The following FHL2 variants were observed in gnomAD, a reference collection of about 807,000 sequenced individuals.
FHL2 encodes four and a half LIM domains 2, also known as four and a half LIM domains protein 2.
In FHL2, 20 loss-of-function variants were observed where a neutral mutation model predicts 32.7. That is an observed-to-expected ratio of 0.61 (90% CI 0.43 to 0.89). FHL2 has a LOEUF of 0.89. Ranked by LOEUF, FHL2 falls within the 40% of genes least tolerant of loss-of-function variation. The probability of loss-of-function intolerance (pLI) is 0.00; values close to 1 mark genes in which losing one functional copy is unlikely to be tolerated. For missense variants in FHL2, 311 were observed against 358.6 expected, an observed-to-expected ratio of 0.87 and a Z score of 1.07; for synonymous variants, 123 against 128.1, an observed-to-expected ratio of 0.96 and a Z score of 0.27.
In FHL2 at chr2:105,363,404, G is replaced by A. The variant is rs1444068378; in HGVS notation, c.569C>T (p.Ala190Val). 2 of 1,613,672 alleles carry A rather than the reference G, an allele frequency of 1.2e-6. No homozygotes were observed. Among genetic ancestry groups the A allele is most frequent in the Non-Finnish European group, 8.5e-7 (1 of 1,179,854 alleles). ...PWHKECFVCTACRKQLSGQRF... is the reference protein window; with the variant it reads ...PWHKECFVCTVCRKQLSGQRF... ...CTGCCCAGACAGCTGCTTCCTGCAG[G>A]CGGTGCACACGAAGCACTCCTTGTG... The change falls in exon 6 of 7, where the codon GCC (alanine) becomes GTC (valine). Residue 190 changes from alanine (A) to valine (V), a missense_variant. Ala to Val is a moderately conservative substitution (Grantham distance 64). Transcript: ENST00000530340.
In FHL2 at chr2:105,428,497, C is replaced by A. The variant is rs377669172; in HGVS notation, c.-25+9902G>T. Among the ~76,000 whole-genome samples, 133 of 152,344 alleles carry A rather than the reference C, an allele frequency of 8.7e-4. 3 individuals are homozygous for A. The South Asian group carries it at 0.027, about 31-fold the overall frequency. On this transcript the variant is annotated intron_variant, in intron 1 of 5. Transcript: ENST00000393352. ...CTTGGAATTACCTTCGGGATCTTTC[C>A]ATCCCTGAGAGGTTGGGCTCCTCAT...
rs115339030 is a variant in FHL2, at chr2:105,392,601, C to A, written c.-25+4046G>T. 7.6e-3 allele frequency among the ~76,000 whole-genome samples: 1,159 copies of A among 152,242 alleles called. 7 individuals are homozygous for A. Among genetic ancestry groups the A allele is most frequent in the African/African-American group, 0.025 (1,046 of 41,522 alleles). ...TACTAATTTTAAAAGTTCACAAGCT[C>A]ATCAGTGTGATCTATTTTTAAATTT... is the stretch of plus-strand genomic sequence containing the variant. On this transcript the variant is annotated intron_variant, in intron 2 of 6. Coordinates refer to ENST00000530340, the MANE Select transcript of FHL2 (RefSeq NM_001318895.3).
chr2:105,388,147 T>C (rs1682456448), intron 2 of FHL2, among the ~76,000 whole-genome samples: 1 of 152,038 alleles, frequency 6.6e-6, no homozygotes, highest in African/African-American at 2.4e-5. Flanking sequence ...GCAGAAAACA[T>C]AACACTTGGG....
intron 3 of FHL2, among the ~76,000 whole-genome samples, chr2:105,385,066 G>A (rs1682201741): frequency 6.6e-6 from 1 of 152,196 alleles, no homozygotes; most frequent in South Asian, 2.1e-4. Flanking sequence ...TTTGCTTATG[G>A]TATTTCAAAG....
At chr2:105,407,876 C>G (rs1340206616) in intron 1 of FHL2, among the ~76,000 whole-genome samples, 1 of 152,172 alleles carries the variant, frequency 6.6e-6, no homozygotes, top group African/African-American at 2.4e-5. Flanking sequence ...AAATCTGCAT[C>G]CTGCAAACGG....
At chr2:105,399,654 G>T (rs1250844374), upstream of FHL2, 1 of 1,485,362 alleles carries the variant, frequency 6.7e-7, no homozygotes, top group Non-Finnish European at 8.9e-7. Flanking sequence ...CCTCCAGGGC[G>T]GGAAAACCAA....
intron 4 of FHL2, among the ~76,000 whole-genome samples, chr2:105,368,589 T>C (rs1165147095): frequency 6.6e-6 from 1 of 152,228 alleles, no homozygotes; most frequent in East Asian, 1.9e-4. Flanking sequence ...TTGATACATT[T>C]CTACCATTTC....
intron 3 of FHL2, among the ~76,000 whole-genome samples, chr2:105,384,727 C>T (rs191469157): frequency 2.0e-5 from 3 of 152,336 alleles, no homozygotes; most frequent in East Asian, 1.9e-4. Context: ...AGGCTGGTCT[C>T]GAACTCCCGG....
chr2:105,363,032 C>A, intron 6 of FHL2: 2 of 467,518 alleles, frequency 4.3e-6, no homozygotes, highest in Middle Eastern at 5.7e-4. Flanking sequence ...TAATCCAACC[C>A]AAAGCAGAAA....
At chr2:105,401,160 C>T (rs573938464), upstream of FHL2, among the ~76,000 whole-genome samples, 35 of 149,410 alleles carry the variant, frequency 2.3e-4, no homozygotes, top group African/African-American at 8.4e-4. Context: ...AAATATGACA[C>T]TGACAGGATA....
intron 1 of FHL2, among the ~76,000 whole-genome samples, chr2:105,408,587 AC>A: frequency 6.6e-6 from 1 of 152,322 alleles, no homozygotes; most frequent in Non-Finnish European, 1.5e-5. Context: ...TTCCTCACTT[AC>A]AACTGGCACG....
intron 1 of FHL2, among the ~76,000 whole-genome samples, chr2:105,432,337 C>T (rs1006497340): frequency 3.9e-5 from 6 of 152,146 alleles, no homozygotes; most frequent in African/African-American, 1.2e-4. Flanking sequence ...CTTACACTCG[C>T]TATTATTTTT....
intron 5 of FHL2, among the ~76,000 whole-genome samples, chr2:105,366,037 C>A (rs762923555): frequency 2.6e-5 from 4 of 151,640 alleles, no homozygotes; most frequent in Non-Finnish European, 5.9e-5. Context: ...GAAACCCCGT[C>A]TGTACTAAAA....
At chr2:105,385,801 T>C (rs1682263703) in intron 3 of FHL2, 1 of 154,094 alleles carries the variant, frequency 6.5e-6, no homozygotes, top group African/African-American at 2.4e-5. Context: ...TGAACCACGC[T>C]GTGACATACC....
At chr2:105,368,425 G>A (rs936729037) in intron 4 of FHL2, among the ~76,000 whole-genome samples, 2 of 152,136 alleles carry the variant, frequency 1.3e-5, no homozygotes, top group Non-Finnish European at 2.9e-5. Flanking sequence ...TTGAACATCT[G>A]GGCTCCAGGG....
intron 1 of FHL2, among the ~76,000 whole-genome samples, chr2:105,428,930 C>T (rs958786665): frequency 3.9e-5 from 6 of 152,208 alleles, no homozygotes; most frequent in African/African-American, 9.7e-5. Flanking sequence ...TTTTATCAAA[C>T]GTCTGTGGTT....
intron 1 of FHL2, among the ~76,000 whole-genome samples, chr2:105,414,606 G>A (rs1375029775): frequency 3.3e-5 from 5 of 152,248 alleles, no homozygotes; most frequent in Non-Finnish European, 7.3e-5. Context: ...AGGCTGGAGT[G>A]CAGTAGCAGG....
intron 6 of FHL2, among the ~76,000 whole-genome samples, chr2:105,362,029 T>C (rs1680309233): frequency 6.6e-6 from 1 of 152,226 alleles, no homozygotes; most frequent in Non-Finnish European, 1.5e-5. Flanking sequence ...TTACCTAGTG[T>C]TTTTTCTCAG....
At chr2:105,378,899 G>A (rs1027555366) in intron 3 of FHL2, 1 of 152,230 alleles carries the variant, frequency 6.6e-6, no homozygotes, top group African/African-American at 2.4e-5. Context: ...CCACCTCCCT[G>A]CTGCAGTACA....
Sources: gnomAD v4.1 joint callset for allele counts (sites outside exome capture counted in the v4.1 genomes callset) on GRCh38, gnomAD v4.1.1 for gene constraint, MANE v1.5 for transcripts, NCBI Gene and HGNC (gene_info 2026-07-23, HGNC 2026-07-21) for gene names.